Variants in ATXN7L1 observed in about 807,000 individuals in gnomAD.
ATXN7L1 encodes the protein ataxin 7 like 1.
A neutral mutation model predicts 70.8 loss-of-function variants in ATXN7L1; 15 were observed. The observed-to-expected ratio is 0.21, with a 90% CI of 0.14 to 0.33. ATXN7L1 has a LOEUF of 0.33. Among genes scored for constraint, ATXN7L1 ranks in the 10% least tolerant of loss-of-function variants. The probability of loss-of-function intolerance (pLI) is 1.00; values close to 1 mark genes in which losing one functional copy is unlikely to be tolerated. For missense variants in ATXN7L1, 975 were observed against 1,097.1 expected (o/e 0.89, Z 1.57); for synonymous variants, 440 against 445.1 (o/e 0.99, Z 0.14).
At chr7:105,642,778 A>C in intron 5 of ATXN7L1, 60 bp downstream of exon 5, 1 of 1,479,934 alleles carries the variant, frequency 6.8e-7, no homozygotes, top group Non-Finnish European at 9.1e-7. Context: ...CTCCTTCGTT[A>C]TGGCTGCGAC....
At chr7:105,616,026 C>T (rs1007339269) in intron 9 of ATXN7L1, among the ~76,000 whole-genome samples, 2 of 152,240 alleles carry the variant, frequency 1.3e-5, no homozygotes, top group African/African-American at 4.8e-5. Flanking sequence ...AAGCACATGG[C>T]CCTCGGGAGC....
chr7:105,718,391 A>C (rs1285109189), intron 3 of ATXN7L1, among the ~76,000 whole-genome samples: 1 of 152,212 alleles, frequency 6.6e-6, no homozygotes, highest in Admixed American at 6.5e-5. Flanking sequence ...GTGATCACTA[A>C]AAAACAATAT....
intron 4 of ATXN7L1, among the ~76,000 whole-genome samples, chr7:105,659,686 C>A (rs1011476934): frequency 6.6e-6 from 1 of 152,096 alleles, no homozygotes; most frequent in Non-Finnish European, 1.5e-5. Flanking sequence ...CTCCTCTTTC[C>A]CTGTCCCAAT....
Position 105,756,865 on chromosome 7 carries a change from G to A in ATXN7L1, c.355+31739C>T, listed in dbSNP as rs1004684356. Among the ~76,000 whole-genome samples, 6 of 152,206 alleles carry A rather than the reference G, an allele frequency of 3.9e-5. 1 individual carries two copies. The highest frequency in any genetic ancestry group is 7.2e-5 in the African/African-American group (3 of 41,540). On this transcript the variant is annotated intron_variant, in intron 3 of 11. Coordinates refer to ENST00000419735, the MANE Select transcript of ATXN7L1 (RefSeq NM_020725.2). The stretch of plus-strand genomic sequence containing the variant: ...CCTAAATTATATGCTCCAGAGCTAC[G>A]GCACCTACATGATGGACAAAATAAA...
chr7:105,641,214 CTTTTTTTT>C (rs561100060), intron 5 of ATXN7L1, among the ~76,000 whole-genome samples: 1 of 21,792 alleles, frequency 4.6e-5, no homozygotes, highest in African/African-American at 1.7e-4. Context: ...CTCTCTCTCT[CTTTTTTTT>C]TTTTTTTTTT....
In ATXN7L1 at chr7:105,703,262, G is replaced by T. The variant is rs546903191; in HGVS notation, c.356-37974C>A. Among the ~76,000 whole-genome samples the T allele has an allele frequency of 2.0e-5, 3 of 148,646 alleles. No individual in the cohort carries two copies. In the South Asian group the frequency reaches 6.4e-4, roughly 32 times the overall value. ...AGAGGTTGCGGTGAGCCGAGATCCC[G>T]TCATTCCACTCCAGCATGGGCAAGA... On this transcript the variant is annotated intron_variant, in intron 3 of 11. Transcript: ENST00000419735.
At chr7:105,613,385 C>T in intron 10 of ATXN7L1, 3 of 702,990 alleles carry the variant, frequency 4.3e-6, no homozygotes, top group Non-Finnish European at 5.3e-6. Flanking sequence ...CAGGCGCTCC[C>T]ACTCCCAGGT....
Position 105,791,437 on chromosome 7 carries a change from C to T in ATXN7L1, c.251-2729G>A, listed in dbSNP as rs912097203. On this transcript the variant is annotated intron_variant, in intron 2 of 11. Transcript: ENST00000419735. ...GCTGAGACAAGAGCCCGAACCTGGG[C>T]CCAGCCAACACCCTGTGGGCAGGCA... Among the ~76,000 whole-genome samples, 41 of 152,280 alleles carry T rather than the reference C, an allele frequency of 2.7e-4. 1 individual carries two copies. The highest frequency in any genetic ancestry group is 9.9e-4 in the African/African-American group (41 of 41,556).
intron 2 of ATXN7L1, among the ~76,000 whole-genome samples, chr7:105,807,536 G>C (rs745700305): frequency 1.3e-5 from 2 of 152,136 alleles, no homozygotes; most frequent in Non-Finnish European, 2.9e-5. Flanking sequence ...TCACACCCTT[G>C]GGTTCCCCCT....
chr7:105,727,768 A>ATG (rs1796052016), intron 3 of ATXN7L1, among the ~76,000 whole-genome samples: 1 of 76,058 alleles, frequency 1.3e-5, no homozygotes, highest in African/African-American at 5.0e-5. Flanking sequence ...ATATATATAT[A>ATG]TATATATATA....
chr7:105,692,419 T>TTCCG (rs1413712743), intron 3 of ATXN7L1, among the ~76,000 whole-genome samples: 1 of 122,762 alleles, frequency 8.1e-6, no homozygotes, highest in Non-Finnish European at 1.7e-5. Flanking sequence ...CCTTCCTTCC[T>TTCCG]TCCTTCCTCC....
intron 3 of ATXN7L1, among the ~76,000 whole-genome samples, chr7:105,777,704 C>T (rs894532140): frequency 1.3e-5 from 2 of 152,224 alleles, no homozygotes; most frequent in Admixed American, 1.3e-4. Flanking sequence ...GCATTAGCTC[C>T]TTCCGGGTCT....
intron 3 of ATXN7L1, among the ~76,000 whole-genome samples, chr7:105,673,830 A>G (rs1307322391): frequency 6.6e-6 from 1 of 152,274 alleles, no homozygotes; most frequent in Non-Finnish European, 1.5e-5. Context: ...AGCTTGGGCT[A>G]GAACCTGGGC....
chr7:105,867,287 G>A (rs757550100), intron 2 of ATXN7L1, among the ~76,000 whole-genome samples: 28 of 152,198 alleles, frequency 1.8e-4, no homozygotes, highest in African/African-American at 5.5e-4. Context: ...GACATATCCC[G>A]TGGGTAATCA....
At chr7:105,626,167 T>C (rs1419729098) in intron 7 of ATXN7L1, among the ~76,000 whole-genome samples, 1 of 152,158 alleles carries the variant, frequency 6.6e-6, no homozygotes, top group Non-Finnish European at 1.5e-5. Flanking sequence ...CAAGATAAAA[T>C]ATGGTATATC....
chr7:105,623,594 C>G (rs1795244411), intron 8 of ATXN7L1, among the ~76,000 whole-genome samples: 1 of 152,198 alleles, frequency 6.6e-6, no homozygotes, highest in South Asian at 2.1e-4. Context: ...GCCATATGGT[C>G]ACACAACAGT....
intron 3 of ATXN7L1, among the ~76,000 whole-genome samples, chr7:105,699,842 T>C (rs1349298262): frequency 6.6e-6 from 1 of 152,218 alleles, no homozygotes; most frequent in African/African-American, 2.4e-5. Flanking sequence ...ACCTGTATTT[T>C]CCTGCAGTCT....
intron 2 of ATXN7L1, among the ~76,000 whole-genome samples, chr7:105,833,604 TTC>T (rs10552560): frequency 0.15 from 22,140 of 152,226 alleles, 1,727 homozygotes; most frequent in Middle Eastern, 0.22. Flanking sequence ...GGATTTTGGT[TTC>T]ATGAGAGTAT....
chr7:105,646,006 CAA>C (rs34098256), intron 4 of ATXN7L1, among the ~76,000 whole-genome samples: 15 of 119,756 alleles, frequency 1.3e-4, no homozygotes, highest in Admixed American at 1.7e-4. Flanking sequence ...GTCTCTGTCT[CAA>C]AAAAAAAAAA....
Sources: allele counts gnomAD v4.1 joint callset (sites outside exome capture counted in the v4.1 genomes callset), GRCh38; gene constraint gnomAD v4.1.1; transcripts MANE v1.5; gene names NCBI Gene and HGNC (gene_info 2026-07-23, HGNC 2026-07-21).